Variants in RAB38 observed in about 807,000 individuals in gnomAD.
The protein encoded by RAB38 is ras-related protein Rab-38.
A neutral mutation model predicts 18.4 loss-of-function variants in RAB38; 15 were observed. The observed-to-expected ratio is 0.82, with a 90% CI of 0.55 to 1.26. The LOEUF is 1.26. RAB38 is among the 50% of genes most tolerant of loss of function. The probability of loss-of-function intolerance (pLI) is 0.00; values close to 1 mark genes in which losing one functional copy is unlikely to be tolerated. For missense variants in RAB38, 294 were observed against 267.4 expected, an observed-to-expected ratio of 1.10 and a Z score of -0.69; for synonymous variants, 101 against 104.4, an observed-to-expected ratio of 0.97 and a Z score of 0.20.
chr11:87,978,199 G>GTATATATTA, the RAB38 span, among the ~76,000 whole-genome samples: 30 of 2,778 alleles, frequency 0.011, no homozygotes, highest in African/African-American at 0.014. Flanking sequence ...AAATATATAG[G>GTATATATTA]TGTNNNNNNN....
the RAB38 span, among the ~76,000 whole-genome samples, chr11:87,896,107 G>A: frequency 6.6e-6 from 1 of 151,736 alleles, no homozygotes; most frequent in Non-Finnish European, 1.5e-5. Context: ...ATGTATAAGA[G>A]TGAACTCTAC....
chr11:87,810,680 G>T, the RAB38 span, among the ~76,000 whole-genome samples: 2 of 152,044 alleles, frequency 1.3e-5, no homozygotes, highest in Non-Finnish European at 2.9e-5. Flanking sequence ...TGTGGTAGGG[G>T]CAAAGTTCTA....
At chr11:88,039,794 G>A in the RAB38 span, among the ~76,000 whole-genome samples, 11 of 150,994 alleles carry the variant, frequency 7.3e-5, no homozygotes, top group Non-Finnish European at 1.6e-4. Flanking sequence ...CTTAAATGTA[G>A]AGTAAAGAAC....
At chr11:88,054,626 A>G in the RAB38 span, among the ~76,000 whole-genome samples, 1 of 152,232 alleles carries the variant, frequency 6.6e-6, no homozygotes, top group Admixed American at 6.5e-5. Context: ...ATCTCACTAG[A>G]TATTCCAGTG....
At chr11:87,874,012 TTTTTA>T in the RAB38 span, among the ~76,000 whole-genome samples, 1 of 149,270 alleles carries the variant, frequency 6.7e-6, no homozygotes. Context: ...GTGGTTTCCC[TTTTTA>T]TTTTCTTTGT....
the RAB38 span, among the ~76,000 whole-genome samples, chr11:88,015,500 A>G: frequency 6.6e-6 from 1 of 152,154 alleles, no homozygotes; most frequent in African/African-American, 2.4e-5. Flanking sequence ...ATCACATAAT[A>G]AGTGATCGAT....
the RAB38 span, among the ~76,000 whole-genome samples, chr11:87,896,104 A>G: frequency 6.6e-6 from 1 of 151,778 alleles, no homozygotes; most frequent in African/African-American, 2.4e-5. Flanking sequence ...GCAATGTATA[A>G]GAGTGAACTC....
the RAB38 span, among the ~76,000 whole-genome samples, chr11:87,977,924 G>GT: frequency 9.2e-6 from 1 of 109,078 alleles, no homozygotes; most frequent in African/African-American, 3.7e-5. Context: ...TAAATATGTA[G>GT]TGACACCTTT....
the RAB38 span, among the ~76,000 whole-genome samples, chr11:87,869,985 T>C: frequency 6.6e-6 from 1 of 151,690 alleles, no homozygotes; most frequent in African/African-American, 2.4e-5. Context: ...CCATTATAAC[T>C]CTTACAATAA....
the RAB38 span, among the ~76,000 whole-genome samples, chr11:87,899,072 A>G: frequency 6.6e-6 from 1 of 151,684 alleles, no homozygotes; most frequent in African/African-American, 2.4e-5. Context: ...GGAGACAGAT[A>G]ATAATTAGAG....
chr11:87,937,858 G>A, the RAB38 span, among the ~76,000 whole-genome samples: 1 of 126,558 alleles, frequency 7.9e-6, no homozygotes, highest in Admixed American at 8.4e-5. Flanking sequence ...GTTTGTAATT[G>A]CTCATTGAAG....
At chr11:87,832,776 TCAG>T in the RAB38 span, among the ~76,000 whole-genome samples, 3 of 138,040 alleles carry the variant, frequency 2.2e-5, no homozygotes, top group African/African-American at 9.4e-5. Flanking sequence ...CCTAGATCAC[TCAG>T]GTGGATCACT....
the RAB38 span, among the ~76,000 whole-genome samples, chr11:87,976,175 T>C: frequency 1.4e-5 from 2 of 147,690 alleles, no homozygotes; most frequent in African/African-American, 4.9e-5. Flanking sequence ...TGTATATAGG[T>C]ATATATAGGT....
chr11:88,092,231 C>A, the RAB38 span, among the ~76,000 whole-genome samples: 2 of 151,172 alleles, frequency 1.3e-5, no homozygotes, highest in African/African-American at 4.9e-5. Context: ...TACCTCAGCA[C>A]CAGAATGTGC....
the RAB38 span, among the ~76,000 whole-genome samples, chr11:87,844,551 T>A: frequency 2.0e-5 from 3 of 152,272 alleles, no homozygotes; most frequent in Admixed American, 1.3e-4. Context: ...TTGGTCTGAT[T>A]CCAAAGTCTA....
the RAB38 span, chr11:87,816,164 C>G: frequency 6.6e-6 from 1 of 152,228 alleles, no homozygotes; most frequent in African/African-American, 2.4e-5. Flanking sequence ...CATTAGTGTT[C>G]TTGAAGTACA....
chr11:88,069,141 G>A, the RAB38 span, among the ~76,000 whole-genome samples: 1 of 152,236 alleles, frequency 6.6e-6, no homozygotes, highest in Non-Finnish European at 1.5e-5. Flanking sequence ...CCCACACTTG[G>A]AATGGCCTGC....
the RAB38 span, among the ~76,000 whole-genome samples, chr11:87,911,049 T>C: frequency 2.6e-5 from 4 of 152,086 alleles, no homozygotes; most frequent in African/African-American, 9.7e-5. Context: ...TCTCATCTGC[T>C]TGCACTTGTG....
the RAB38 span, among the ~76,000 whole-genome samples, chr11:88,027,955 G>A: frequency 3.9e-5 from 6 of 152,198 alleles, no homozygotes; most frequent in South Asian, 2.1e-4. Flanking sequence ...TGACCCCTGA[G>A]CAGCCTAACT....
Sources: allele counts gnomAD v4.1 joint callset (sites outside exome capture counted in the v4.1 genomes callset), GRCh38; gene constraint gnomAD v4.1.1; transcripts MANE v1.5; gene names NCBI Gene and HGNC (gene_info 2026-07-23, HGNC 2026-07-21).